KTN1: variants seen among roughly 807,000 people sequenced by gnomAD.
The protein encoded by KTN1 is kinectin.
Under a neutral mutation model 222.5 loss-of-function variants are expected in KTN1, and 130 were observed. The observed-to-expected ratio is 0.58, with a 90% CI of 0.51 to 0.68. The LOEUF is 0.68. KTN1 is among the 30% of genes least tolerant of loss of function. The pLI is 0.00. For synonymous variants in KTN1, 512 were observed against 496.3 expected (o/e 1.03, Z -0.42); for missense variants, 1,508 against 1,500.4 (o/e 1.01, Z -0.08).
chr14:55,641,675 G>T lies in KTN1; in HGVS notation c.2104-17G>T. On this transcript the variant is annotated splice_polypyrimidine_tract_variant and intron_variant, in intron 17 of 43. Transcript: ENST00000395314. ...TTTTTTCTTAATAAAACAGTAAATT[G>T]AGACTCTTTCTTCCAGATTCTAAAT... 6.7e-7 allele frequency: 1 copy of T among 1,499,734 alleles called. No individual in the cohort carries two copies. The highest frequency in any genetic ancestry group is 1.1e-5 in the South Asian group (1 of 88,356). 92.9% of individuals were successfully genotyped at this position (1,499,734 alleles called of 1,614,324 possible).
At chr14:55,672,206 A>G (rs2045512957) in intron 37 of KTN1, 1 of 238,542 alleles carries the variant, frequency 4.2e-6, no homozygotes, top group African/African-American at 2.3e-5. Flanking sequence ...AGAATTCAAG[A>G]AAAAGTCATT....
intron 1 of KTN1, among the ~76,000 whole-genome samples, chr14:55,595,183 G>A (rs138396576): frequency 2.3e-3 from 313 of 136,232 alleles, no homozygotes; most frequent in African/African-American, 6.8e-3. Flanking sequence ...TATGATTTAC[G>A]CTGATGGGAA....
rs575900938 is a variant in KTN1 at position 55,607,049 on chromosome 14, C to A, written c.-30-4970C>A. On this transcript the variant is annotated intron_variant, in intron 1 of 43. Coordinates refer to ENST00000395314, the MANE Select transcript of KTN1 (RefSeq NM_001079521.2). ...TCTTGTATATACATAAATATATTATCCTTTTTGGTTAAGCAGCTCTATTGA... is the reference window on the plus strand; with the variant it reads ...TCTTGTATATACATAAATATATTATACTTTTTGGTTAAGCAGCTCTATTGA... 5.2e-4 allele frequency among the ~76,000 whole-genome samples: 79 copies of A among 152,198 alleles called. 1 individual carries two copies. The highest frequency in any genetic ancestry group is 1.9e-3 in the African/African-American group (78 of 41,540).
At chr14:55,650,460 C>G (rs745594698) in intron 23 of KTN1, 42 bp downstream of exon 23, 2 of 1,526,720 alleles carry the variant, frequency 1.3e-6, no homozygotes, top group Admixed American at 3.6e-5. Flanking sequence ...TTTTGTTTAT[C>G]AACTTTAGTT....
rs745574121 is a variant in KTN1, at chr14:55,673,206, T to G, written c.3722T>G (p.Leu1241Arg). Residue 1241 changes from leucine (L) to arginine (R), a missense_variant, in exon 40 of 44, where the codon CTT (leucine) becomes CGT (arginine). Transcript: ENST00000395314. Reference protein sequence around the residue: ...KDLLTELQKKLDDSYSEAVRQ... With the variant: ...KDLLTELQKKRDDSYSEAVRQ... ...CTGTTGACTGAATTGCAGAAAAAAC[T>G]TGATGATTCATATTCTGAAGCAGTA... The G allele has an allele frequency of 6.2e-7, 1 of 1,613,104 alleles. No individual in the cohort carries two copies. The highest frequency in any genetic ancestry group is 2.2e-5 in the East Asian group (1 of 44,804).
intron 5 of KTN1, among the ~76,000 whole-genome samples, chr14:55,624,952 G>A (rs1217407855): frequency 2.0e-5 from 3 of 152,222 alleles, no homozygotes; most frequent in Non-Finnish European, 4.4e-5. Flanking sequence ...GTGACAGCGA[G>A]TGTCCGCTAC....
chr14:55,637,922 GCCA>G, intron 12 of KTN1, 75 bp downstream of exon 12: 3 of 1,072,298 alleles, frequency 2.8e-6, no homozygotes, highest in Non-Finnish European at 4.2e-6. Context: ...TCTGTTGAGT[GCCA>G]ATTACTGGAT....
intron 32 of KTN1, chr14:55,663,056 A>C (rs946228017): frequency 2.5e-5 from 11 of 442,604 alleles, no homozygotes; most frequent in African/African-American, 2.2e-4. Context: ...TCAGTTTCCT[A>C]ACTTACTTGA....
At chr14:55,597,623 G>A (rs977360626) in intron 1 of KTN1, among the ~76,000 whole-genome samples, 1 of 152,158 alleles carries the variant, frequency 6.6e-6, no homozygotes, top group African/African-American at 2.4e-5. Context: ...GGAGGCCGAG[G>A]CGGGCAGATC....
At chr14:55,635,472 G>A (rs1234761923) in intron 9 of KTN1, among the ~76,000 whole-genome samples, 2 of 152,186 alleles carry the variant, frequency 1.3e-5, no homozygotes, top group Admixed American at 6.5e-5. Flanking sequence ...ACAAGACTAA[G>A]TAGTGTTCCA....
At chr14:55,647,524 T>C (rs376218137) in intron 19 of KTN1, among the ~76,000 whole-genome samples, 3 of 150,050 alleles carry the variant, frequency 2.0e-5, no homozygotes, top group East Asian at 3.9e-4. Flanking sequence ...TCCCAGCTAC[T>C]TGGGAGGCTG....
chr14:55,629,396 C>T (rs925045011), intron 6 of KTN1, among the ~76,000 whole-genome samples: 1 of 119,882 alleles, frequency 8.3e-6, no homozygotes, highest in Non-Finnish European at 1.6e-5. Flanking sequence ...CCAGCCTGGG[C>T]GATGGAGTGA....
At chr14:55,587,365 T>C (rs1319106392) in intron 1 of KTN1, among the ~76,000 whole-genome samples, 2 of 152,190 alleles carry the variant, frequency 1.3e-5, no homozygotes, top group Non-Finnish European at 2.9e-5. Flanking sequence ...ATGGGTGTGC[T>C]TAGTCCCAGT....
At position 55,684,087 on chromosome 14, in the gene KTN1, G is replaced by A; in HGVS notation, c.4070-12G>A. 6.3e-7 allele frequency: 1 copy of A among 1,598,772 alleles called. No homozygotes were observed. Among genetic ancestry groups the A allele is most frequent in the Non-Finnish European group, 8.5e-7 (1 of 1,170,692 alleles). On this transcript the variant is annotated splice_polypyrimidine_tract_variant and intron_variant, in intron 43 of 43. Coordinates refer to ENST00000395314, the MANE Select transcript of KTN1 (RefSeq NM_001079521.2). ...TTTTAAAGTGAAATTCATTCTTTCT[G>A]ATCTTTTACAGAGTGAAGTAATTGG... is the stretch of plus-strand genomic sequence containing the variant.
intron 1 of KTN1, among the ~76,000 whole-genome samples, chr14:55,606,786 A>G (rs1222650801): frequency 5.3e-5 from 8 of 152,194 alleles, no homozygotes; most frequent in African/African-American, 1.7e-4. Context: ...AAGTTGAACA[A>G]TTAACCAAAC....
chr14:55,615,543 G>A (rs1200992349), intron 2 of KTN1, among the ~76,000 whole-genome samples: 1 of 151,986 alleles, frequency 6.6e-6, no homozygotes, highest in African/African-American at 2.4e-5. Flanking sequence ...TAAGAAAGGG[G>A]TAGAGACCAA....
chr14:55,613,322 A>G (rs1298357784), intron 2 of KTN1, among the ~76,000 whole-genome samples: 1 of 151,894 alleles, frequency 6.6e-6, no homozygotes, highest in Non-Finnish European at 1.5e-5. Context: ...TTTTGGGTGG[A>G]TGGGGAGGGG....
intron 12 of KTN1, among the ~76,000 whole-genome samples, chr14:55,638,444 A>C (rs948259591): frequency 1.1e-4 from 16 of 151,930 alleles, no homozygotes; most frequent in African/African-American, 3.9e-4. Flanking sequence ...AAATTCTGAG[A>C]GTTATTTGTA....
At chr14:55,648,665 C>T (rs556026175) in intron 20 of KTN1, 137 bp from the exon 21 acceptor site, 5 of 669,976 alleles carry the variant, frequency 7.5e-6, no homozygotes, top group African/African-American at 1.8e-5. Flanking sequence ...GAATTATAGA[C>T]ATGGAAAAAA....
Sources: gnomAD v4.1 joint callset for allele counts (sites outside exome capture counted in the v4.1 genomes callset) on GRCh38, gnomAD v4.1.1 for gene constraint, MANE v1.5 for transcripts, NCBI Gene and HGNC (gene_info 2026-07-23, HGNC 2026-07-21) for gene names.